MKLN1: variants seen among roughly 807,000 people sequenced by gnomAD.
MKLN1 encodes the protein muskelin.
In MKLN1, 18 loss-of-function variants were observed where a neutral mutation model predicts 99.0. The ratio of observed to expected loss-of-function variants is 0.18; its 90% CI spans 0.13 to 0.27. The LOEUF (loss-of-function observed/expected upper bound fraction) is 0.27. Ranked by LOEUF, MKLN1 falls within the 10% of genes least tolerant of loss-of-function variation. The pLI is 1.00. For missense variants in MKLN1, 621 were observed against 875.9 expected, an observed-to-expected ratio of 0.71 and a Z score of 3.67; for synonymous variants, 288 against 293.2, an observed-to-expected ratio of 0.98 and a Z score of 0.18.
At chr7:131,470,384 C>T (rs1056034263) in intron 15 of MKLN1, among the ~76,000 whole-genome samples, 2 of 152,148 alleles carry the variant, frequency 1.3e-5, no homozygotes, top group African/African-American at 4.8e-5. Flanking sequence ...TAAAAATACC[C>T]TGCTTATTTC....
chr7:131,413,927 T>G lies in MKLN1; in HGVS notation c.782-718T>G, dbSNP rs1345052377. On this transcript the variant is annotated intron_variant, in intron 7 of 17. Transcript: ENST00000352689. Reference sequence around the variant, plus strand: ...CTCTTTTGGAAGTTTAAATAAAGTTTTACTGATTGTATTTAAACCTGCCTA... The same window carrying G: ...CTCTTTTGGAAGTTTAAATAAAGTTGTACTGATTGTATTTAAACCTGCCTA... 2.0e-5 allele frequency among the ~76,000 whole-genome samples: 3 copies of G among 152,328 alleles called. No homozygotes were observed. In the South Asian group the frequency reaches 6.2e-4, roughly 32 times the overall value.
In MKLN1 at chr7:131,356,855, T is replaced by G. The variant is rs193211421; in HGVS notation, c.99-18569T>G. ...GTCTGCCACAACTTCAGTTCTTGCC[T>G]CCTCAGGAGAATTCGAATGAGGGGC... On this transcript the variant is annotated intron_variant, in intron 1 of 17. Coordinates refer to ENST00000352689, the MANE Select transcript of MKLN1 (RefSeq NM_013255.5). Among the ~76,000 whole-genome samples the G allele has an allele frequency of 2.1e-3, 316 of 152,190 alleles. 3 individuals carry two copies. The highest frequency in any genetic ancestry group is 7.1e-3 in the African/African-American group (296 of 41,512).
intron 12 of MKLN1, among the ~76,000 whole-genome samples, chr7:131,456,347 A>G (rs1796337645): frequency 6.6e-6 from 1 of 152,206 alleles, no homozygotes; most frequent in African/African-American, 2.4e-5. Flanking sequence ...AAAGTAGCAA[A>G]CTGACACAGG....
At chr7:131,161,951 G>A (rs1260383066) in intron 2 of MKLN1, among the ~76,000 whole-genome samples, 4 of 54,422 alleles carry the variant, frequency 7.3e-5, no homozygotes, top group Admixed American at 1.8e-4. Context: ...ATATATATAC[G>A]TGTGTGTGTG....
rs375829343 is a variant in MKLN1 at position 131,281,003 on chromosome 7, C to T, written c.-179+78029C>T. 6.1e-4 allele frequency among the ~76,000 whole-genome samples: 93 copies of T among 152,252 alleles called. 1 individual carries two copies. The highest frequency in any genetic ancestry group is 1.8e-3 in the African/African-American group (76 of 41,566). On this transcript the variant is annotated intron_variant, in intron 3 of 7. Transcript: ENST00000416992. ...TTTCCTGTCCTGTGGACTGTCTTTT[C>T]ACTTTCTTGATGGTGTTACTTGAAG...
chr7:131,163,046 T>C (rs1451028313), intron 2 of MKLN1, among the ~76,000 whole-genome samples: 1 of 152,190 alleles, frequency 6.6e-6, no homozygotes, highest in Non-Finnish European at 1.5e-5. Flanking sequence ...GTGAGGAAAT[T>C]GAAGCTTAGA....
chr7:131,226,732 G>T (rs1797152969), intron 3 of MKLN1, among the ~76,000 whole-genome samples: 1 of 152,130 alleles, frequency 6.6e-6, no homozygotes, highest in African/African-American at 2.4e-5. Flanking sequence ...GAAGGAAAAG[G>T]GCAGGCTGGA....
chr7:131,440,468 T>A (rs1173183013), intron 10 of MKLN1, among the ~76,000 whole-genome samples: 2 of 152,088 alleles, frequency 1.3e-5, no homozygotes, highest in African/African-American at 4.8e-5. Flanking sequence ...GAAATTCAAC[T>A]CAATTACATA....
chr7:131,187,833 G>A (rs1213247177), intron 2 of MKLN1, among the ~76,000 whole-genome samples: 1 of 152,176 alleles, frequency 6.6e-6, no homozygotes, highest in African/African-American at 2.4e-5. Context: ...GCGCATGCCT[G>A]TAGTCCCAGC....
chr7:131,293,835 CA>C (rs1798254688), intron 3 of MKLN1, among the ~76,000 whole-genome samples: 1 of 152,028 alleles, frequency 6.6e-6, no homozygotes, highest in Admixed American at 6.6e-5. Flanking sequence ...TAATAAAAGT[CA>C]GTGTCATGAA....
intron 2 of MKLN1, among the ~76,000 whole-genome samples, chr7:131,173,323 G>A (rs1796244090): frequency 6.6e-6 from 1 of 152,210 alleles, no homozygotes; most frequent in Non-Finnish European, 1.5e-5. Context: ...TCTGACTCAT[G>A]TGAAATGATT....
At chr7:131,158,041 G>A (rs549575209) in intron 2 of MKLN1, among the ~76,000 whole-genome samples, 2 of 152,134 alleles carry the variant, frequency 1.3e-5, no homozygotes, top group African/African-American at 2.4e-5. Context: ...ACAATCCTCC[G>A]CAAGCTCTTC....
intron 3 of MKLN1, among the ~76,000 whole-genome samples, chr7:131,259,396 G>C (rs137934998): frequency 6.6e-6 from 1 of 152,042 alleles, no homozygotes; most frequent in East Asian, 1.9e-4. Flanking sequence ...TCAAACAGTT[G>C]CTAAAATTTT....
At chr7:131,196,834 A>G (rs935299923) in intron 2 of MKLN1, among the ~76,000 whole-genome samples, 3 of 137,412 alleles carry the variant, frequency 2.2e-5, no homozygotes, top group Non-Finnish European at 4.5e-5. Context: ...GTAAATCAGG[A>G]AAAAAAAATC....
At chr7:131,217,852 C>T (rs1453417381) in intron 3 of MKLN1, among the ~76,000 whole-genome samples, 1 of 152,148 alleles carries the variant, frequency 6.6e-6, no homozygotes, top group East Asian at 1.9e-4. Context: ...AATGTGTAAT[C>T]GCCCAACCGG....
At chr7:131,424,424 T>A (rs1440754934) in intron 8 of MKLN1, among the ~76,000 whole-genome samples, 1 of 152,210 alleles carries the variant, frequency 6.6e-6, no homozygotes, top group Non-Finnish European at 1.5e-5. Context: ...GTGTGCCATC[T>A]TGTGGAGGAT....
chr7:131,399,324 G>A lies in MKLN1; in HGVS notation c.594G>A (p.Lys198=). The A allele has an allele frequency of 6.2e-7, 1 of 1,613,942 alleles. No homozygotes were observed. Among genetic ancestry groups the A allele is most frequent in the Non-Finnish European group, 8.5e-7 (1 of 1,179,918 alleles). Residue 198 remains lysine (K), a synonymous_variant, in exon 6 of 18, where the codon AAG becomes AAA. Coordinates refer to ENST00000352689, the MANE Select transcript of MKLN1 (RefSeq NM_013255.5). The part of the protein sequence containing the change: ...NYTEAFESLQ[K]KTKIALEHPM... ...CAGAAGCTTTTGAGTCACTGCAAAA[G>A]AAAACCAAGATTGCACTGGAACATC...
At chr7:131,133,803 T>TC (rs1795601289) in intron 1 of MKLN1, among the ~76,000 whole-genome samples, 1 of 146,300 alleles carries the variant, frequency 6.8e-6, no homozygotes, top group South Asian at 2.2e-4. Flanking sequence ...GACTTCTTTT[T>TC]TTTTTTTTTT....
At chr7:131,439,868 AC>A (rs1795781800) in intron 10 of MKLN1, among the ~76,000 whole-genome samples, 1 of 182 alleles carries the variant, frequency 5.5e-3, no homozygotes, top group African/African-American at 0.019. Flanking sequence ...AGATTTAAAC[AC>A]ACACACACAC....
Sources: allele counts gnomAD v4.1 joint callset (sites outside exome capture counted in the v4.1 genomes callset), GRCh38; gene constraint gnomAD v4.1.1; transcripts MANE v1.5; gene names NCBI Gene and HGNC (gene_info 2026-07-23, HGNC 2026-07-21).